TRIM35: variants seen among roughly 807,000 people sequenced by gnomAD.
TRIM35 encodes the protein E3 ubiquitin-protein ligase TRIM35.
A neutral mutation model predicts 49.1 loss-of-function variants in TRIM35; 37 were observed. That is an observed-to-expected ratio of 0.75 (90% CI 0.58 to 0.99). The LOEUF (loss-of-function observed/expected upper bound fraction) is 0.99, where lower values mean the gene tolerates loss of function less well. TRIM35 is among the 50% of genes least tolerant of loss of function. The probability of loss-of-function intolerance (pLI) is 0.00; values close to 1 mark genes in which losing one functional copy is unlikely to be tolerated. For synonymous variants in TRIM35, 302 were observed against 289.3 expected, an observed-to-expected ratio of 1.04 and a Z score of -0.45; for missense variants, 648 against 702.7, an observed-to-expected ratio of 0.92 and a Z score of 0.88.
intron 2 of TRIM35, among the ~76,000 whole-genome samples, chr8:27,295,294 T>G (rs1243704628): frequency 6.6e-6 from 1 of 152,196 alleles, no homozygotes; most frequent in Non-Finnish European, 1.5e-5. Context: ...AAGAGGTGTG[T>G]ATGGCAAGAG....
At chr8:27,289,967 C>G (rs1224397836) in intron 4 of TRIM35, among the ~76,000 whole-genome samples, 189 bp downstream of exon 4, 2 of 152,202 alleles carry the variant, frequency 1.3e-5, no homozygotes, top group Admixed American at 6.5e-5. Flanking sequence ...CCAACTTGAA[C>G]TGGATGCTGT....
At chr8:27,303,058 G>GT (rs1327699561) in intron 1 of TRIM35, among the ~76,000 whole-genome samples, 3 of 152,130 alleles carry the variant, frequency 2.0e-5, no homozygotes, top group Non-Finnish European at 4.4e-5. Flanking sequence ...GATATTTGCT[G>GT]TAAGTTTTTT....
At chr8:27,288,754 G>A (rs1802391336) in intron 5 of TRIM35, among the ~76,000 whole-genome samples, 1 of 152,312 alleles carries the variant, frequency 6.6e-6, no homozygotes, top group South Asian at 2.1e-4. Flanking sequence ...GGACAGCACG[G>A]CCCATTCCCT....
At position 27,285,247 on chromosome 8, in the gene TRIM35, T is replaced by C. The variant is rs577862409; in HGVS notation, c.*2303A>G. On this transcript the variant is annotated 3_prime_UTR_variant, in exon 6 of 6. Coordinates refer to ENST00000305364, the MANE Select transcript of TRIM35 (RefSeq NM_171982.5). ...GAGGGATGTGGAGTCATCAGAACCCTCATGCCCTGTTGATGGGATATAAAA... is the reference window on the plus strand; with the variant it reads ...GAGGGATGTGGAGTCATCAGAACCCCCATGCCCTGTTGATGGGATATAAAA... The C allele has an allele frequency of 6.6e-6, 1 of 152,314 alleles. No individual in the cohort carries two copies. Among genetic ancestry groups the C allele is most frequent in the East Asian group, 1.9e-4 (1 of 5,188 alleles). The allele number at this position is 152,314 out of a possible 1,614,324, so 9.4% of individuals were successfully genotyped here.
intron 1 of TRIM35, among the ~76,000 whole-genome samples, chr8:27,305,384 C>T (rs1802762657): frequency 6.6e-6 from 1 of 152,222 alleles, no homozygotes; most frequent in African/African-American, 2.4e-5. Flanking sequence ...ACTCAGGAGC[C>T]TCAGTGTGCA....
chr8:27,289,730 C>T (rs1195784813), intron 4 of TRIM35, among the ~76,000 whole-genome samples: 1 of 152,176 alleles, frequency 6.6e-6, no homozygotes, highest in East Asian at 1.9e-4. Flanking sequence ...TCCATCTTTG[C>T]ACAGCTCTGA....
At chr8:27,292,105 C>A (rs192146778) in intron 3 of TRIM35, among the ~76,000 whole-genome samples, 2 of 152,192 alleles carry the variant, frequency 1.3e-5, no homozygotes, top group Non-Finnish European at 1.5e-5. Flanking sequence ...CCATGTGCAA[C>A]GTAACGATGT....
rs749203501 is a variant in TRIM35 at position 27,287,544 on chromosome 8, G to A, written c.*6C>T. The A allele has an allele frequency of 1.9e-6, 3 of 1,560,682 alleles. No individual in the cohort carries two copies. The highest frequency in any genetic ancestry group is 2.6e-6 in the Non-Finnish European group (3 of 1,151,924). ...TGGCACAAGACCGGGGCAGCCCCGG[G>A]CCAGCTCAGCCATCCAGTTCTTCCT... On this transcript the variant is annotated 3_prime_UTR_variant, in exon 6 of 6. Coordinates refer to ENST00000305364, the MANE Select transcript of TRIM35 (RefSeq NM_171982.5). The surrounding 1 kb of genome is among the most constrained non-coding windows in gnomAD (Gnocchi z 6.0).
rs376504966 is a variant in TRIM35 at position 27,294,067 on chromosome 8, C to G, written c.762+13G>C. 5 of 1,612,874 alleles carry G rather than the reference C, an allele frequency of 3.1e-6. No homozygotes were observed. Among genetic ancestry groups the G allele is most frequent in the Non-Finnish European group, 4.2e-6 (5 of 1,179,438 alleles). The stretch of plus-strand genomic sequence containing the variant: ...GTGGCCCTGTCACTGAATCCAGACG[C>G]TGAGCTCCTTACCATGAGAAAAGAA... On this transcript the variant is annotated intron_variant, in intron 3 of 5. Coordinates refer to ENST00000305364, the MANE Select transcript of TRIM35 (RefSeq NM_171982.5).
chr8:27,287,557 T>C lies in TRIM35; in HGVS notation c.1475A>G (p.Asp492Gly), dbSNP rs778354347. ...GGGCAGCCCCGGGCCAGCTCAGCCA[T>C]CCAGTTCTTCCTTGACACTGATGTG... is the stretch of plus-strand genomic sequence containing the variant. The part of the protein sequence containing the change: ...PLHISVKEEL[D>G]G Residue 492 changes from aspartate to glycine, a missense_variant, in exon 6 of 6, where the codon GAT (aspartate) becomes GGT (glycine). Transcript: ENST00000305364. The surrounding 1 kb of genome is among the most constrained non-coding windows in gnomAD (Gnocchi z 6.0). The C allele has an allele frequency of 1.9e-6, 3 of 1,580,368 alleles. No homozygotes were observed. Among genetic ancestry groups the C allele is most frequent in the East Asian group, 4.5e-5 (2 of 44,036 alleles).
intron 1 of TRIM35, among the ~76,000 whole-genome samples, chr8:27,301,760 T>C (rs1442205357): frequency 6.6e-6 from 1 of 152,228 alleles, no homozygotes; most frequent in Non-Finnish European, 1.5e-5. Context: ...AACAATCGTA[T>C]TATTTCCTCA....
In TRIM35 at chr8:27,287,446, G is replaced by T; in HGVS notation, c.*104C>A. 1 of 1,220,584 alleles carries T rather than the reference G, an allele frequency of 8.2e-7. No homozygotes were observed. Among genetic ancestry groups the T allele is most frequent in the Non-Finnish European group, 1.1e-6 (1 of 888,854 alleles). 75.6% of individuals were successfully genotyped at this position (1,220,584 alleles called of 1,614,324 possible). On this transcript the variant is annotated 3_prime_UTR_variant, in exon 6 of 6. Coordinates refer to ENST00000305364, the MANE Select transcript of TRIM35 (RefSeq NM_171982.5). The surrounding 1 kb of genome is among the most constrained non-coding windows in gnomAD (Gnocchi z 6.0). The stretch of plus-strand genomic sequence containing the variant: ...CAGGCAGGACAGGAGGAAGAGCCTG[G>T]CAAGGAGGCAGGGGCGCAATAGTGC...
At chr8:27,306,794 G>A (rs10093363) in intron 1 of TRIM35, among the ~76,000 whole-genome samples, 2,212 of 152,300 alleles carry the variant, frequency 0.015, 45 homozygotes, top group African/African-American at 0.048. Context: ...AAATTTGGGC[G>A]GATTAAGTAG....
rs1349437466 is a variant in TRIM35 at position 27,310,985 on chromosome 8, C to A, written c.251G>T (p.Arg84Leu). 1.2e-6 allele frequency: 2 copies of A among 1,611,968 alleles called. No individual in the cohort carries two copies. Among genetic ancestry groups the A allele is most frequent in the East Asian group, 2.2e-5 (1 of 44,808 alleles). Residue 84 changes from arginine (R) to leucine (L), a missense_variant, in exon 1 of 6, where the codon CGC (arginine) becomes CTC (leucine). By Grantham distance (102) the Arg-to-Leu change is moderately radical (BLOSUM62 -2). Transcript: ENST00000305364. ...CCAGCGCGCGCCCTCGGCCTCCTCGCGCAGCAGCTTCTCCACCAGGTTGTT... is the reference window on the plus strand; with the variant it reads ...CCAGCGCGCGCCCTCGGCCTCCTCGAGCAGCAGCTTCTCCACCAGGTTGTT... ...TLNNLVEKLL[R>L]EEAEGARWTS...
At chr8:27,304,108 A>T (rs548715909) in intron 1 of TRIM35, among the ~76,000 whole-genome samples, 2 of 152,380 alleles carry the variant, frequency 1.3e-5, no homozygotes, top group Admixed American at 1.3e-4. Flanking sequence ...TTGATTCCTT[A>T]AGCAACAAAT....
chr8:27,292,900 C>G (rs1802483803), intron 3 of TRIM35, among the ~76,000 whole-genome samples: 1 of 152,044 alleles, frequency 6.6e-6, no homozygotes, highest in Non-Finnish European at 1.5e-5. Flanking sequence ...CCAAAATCAT[C>G]CCTGAAAGCA....
chr8:27,310,704 C>A, intron 1 of TRIM35, 97 bp downstream of exon 1: 4 of 1,376,042 alleles, frequency 2.9e-6, no homozygotes, highest in Non-Finnish European at 3.9e-6. Flanking sequence ...CGCGGGCACA[C>A]TGGGCTCTGG....
chr8:27,287,984 C>G lies in TRIM35; in HGVS notation c.1048G>C (p.Val350Leu). ...CAGGCGTGCGAGCCCTGTGAGAAGA[C>G]ACGGGAGCCCAGCAGGCAGGGCGCC... ...SSAPCLLGSR[V>L]FSQGSHAWEV... Residue 350 changes from valine to leucine, a missense_variant, in exon 6 of 6, where the codon GTC (valine) becomes CTC (leucine). By Grantham distance (32) the Val-to-Leu change is conservative. Transcript: ENST00000305364. The surrounding 1 kb of genome is among the most constrained non-coding windows in gnomAD (Gnocchi z 6.0). The G allele has an allele frequency of 6.2e-7, 1 of 1,613,532 alleles. No homozygotes were observed. Among genetic ancestry groups the G allele is most frequent in the Non-Finnish European group, 8.5e-7 (1 of 1,179,980 alleles).
intron 3 of TRIM35, among the ~76,000 whole-genome samples, chr8:27,293,664 AC>A (rs996227509): frequency 5.9e-5 from 9 of 151,490 alleles, no homozygotes; most frequent in African/African-American, 1.7e-4. Context: ...ACATAGTGAG[AC>A]CCCCCTCACC....
Sources: allele counts gnomAD v4.1 joint callset (sites outside exome capture counted in the v4.1 genomes callset), GRCh38; gene constraint gnomAD v4.1.1; non-coding constraint Gnocchi (gnomAD v3.1); transcripts MANE v1.5; gene names NCBI Gene and HGNC (gene_info 2026-07-23, HGNC 2026-07-21).